PDE3A: variants seen among roughly 807,000 people sequenced by gnomAD.
The protein encoded by PDE3A is cGMP-inhibited 3',5'-cyclic phosphodiesterase 3A.
In PDE3A, 43 loss-of-function variants were observed where a neutral mutation model predicts 98.3. That is an observed-to-expected ratio of 0.44 (90% confidence interval 0.34 to 0.56). PDE3A has a LOEUF of 0.56. PDE3A is among the 20% of genes least tolerant of loss of function. The pLI is 0.01. For missense variants in PDE3A, 1,427 were observed against 1,440.7 expected, an observed-to-expected ratio of 0.99 and a Z score of 0.15; for synonymous variants, 663 against 567.9, an observed-to-expected ratio of 1.17 and a Z score of -2.38.
At chr12:20,636,858 G>A (rs1188887635) in intron 8 of PDE3A, among the ~76,000 whole-genome samples, 13 of 152,194 alleles carry the variant, frequency 8.5e-5, no homozygotes, top group Non-Finnish European at 1.2e-4. Context: ...ATATGGACCA[G>A]TGATAGGCAA....
At chr12:20,676,956 G>C (rs1945657241) in intron 15 of PDE3A, among the ~76,000 whole-genome samples, 1 of 152,036 alleles carries the variant, frequency 6.6e-6, no homozygotes, top group African/African-American at 2.4e-5. Context: ...CAGGTTTTCT[G>C]TCCCTTTTAT....
Position 20,541,676 on chromosome 12 carries a change from G to A in PDE3A, c.961-14984G>A, listed in dbSNP as rs189553251. Among the ~76,000 whole-genome samples the A allele has an allele frequency of 2.0e-5, 3 of 151,630 alleles. No individual in the cohort carries two copies. The East Asian group carries it at 5.8e-4, about 30-fold the overall frequency. On this transcript the variant is annotated intron_variant, in intron 1 of 15. Transcript: ENST00000359062. ...CTTTATTTTCTTTTATTCCTAAATA[G>A]AGGTCTGCATAATATATCACTAAGA...
At chr12:20,571,668 A>T (rs1179349891) in intron 2 of PDE3A, among the ~76,000 whole-genome samples, 6 of 151,932 alleles carry the variant, frequency 3.9e-5, no homozygotes, top group Non-Finnish European at 8.8e-5. Context: ...ATGTTATTTC[A>T]CTCCTCTGGG....
At chr12:20,522,237 T>C (rs1052841708) in intron 1 of PDE3A, among the ~76,000 whole-genome samples, 2 of 152,010 alleles carry the variant, frequency 1.3e-5, no homozygotes, top group Non-Finnish European at 2.9e-5. Context: ...ACAAGGGCCC[T>C]GGTCTCCAGG....
At chr12:20,632,280 G>A (rs1944398163) in intron 6 of PDE3A, among the ~76,000 whole-genome samples, 2 of 152,062 alleles carry the variant, frequency 1.3e-5, no homozygotes, top group Non-Finnish European at 2.9e-5. Context: ...CTCAAGGGTT[G>A]AAAAGTAAAG....
chr12:20,511,293 A>G (rs1946216647), intron 1 of PDE3A, among the ~76,000 whole-genome samples: 1 of 152,050 alleles, frequency 6.6e-6, no homozygotes, highest in South Asian at 2.1e-4. Context: ...GTGATTTCTA[A>G]TACCTTTGCA....
intron 14 of PDE3A, 110 bp downstream of exon 14, chr12:20,650,710 C>T (rs1363242744): frequency 3.4e-6 from 2 of 581,230 alleles, no homozygotes; most frequent in Non-Finnish European, 5.6e-6. Flanking sequence ...TATATTCATA[C>T]TTTTGTCAGA....
chr12:20,603,005 C>T (rs975410798), intron 2 of PDE3A, among the ~76,000 whole-genome samples: 7 of 152,130 alleles, frequency 4.6e-5, no homozygotes, highest in African/African-American at 1.7e-4. Context: ...CATTAAAGAC[C>T]AAGATACCAT....
chr12:20,577,317 TG>T (rs1162506237), intron 2 of PDE3A, among the ~76,000 whole-genome samples: 1 of 152,066 alleles, frequency 6.6e-6, no homozygotes, highest in Non-Finnish European at 1.5e-5. Context: ...GATGAAATGG[TG>T]GGTTAGGTAG....
intron 1 of PDE3A, among the ~76,000 whole-genome samples, chr12:20,457,809 A>C (rs1173177162): frequency 6.6e-6 from 1 of 152,056 alleles, no homozygotes; most frequent in Non-Finnish European, 1.5e-5. Context: ...TTTAAAAAGA[A>C]CTGAACTATG....
chr12:20,660,806 T>G (rs1414269935), intron 15 of PDE3A, among the ~76,000 whole-genome samples: 1 of 152,148 alleles, frequency 6.6e-6, no homozygotes, highest in African/African-American at 2.4e-5. Context: ...CTTTCCTTTG[T>G]AAATTGCCCA....
chr12:20,369,794 G>A lies in PDE3A; in HGVS notation c.510G>A (p.Gly170=). 1 of 1,612,488 alleles carries A rather than the reference G, an allele frequency of 6.2e-7. No individual in the cohort carries two copies. Among genetic ancestry groups the A allele is most frequent in the Non-Finnish European group, 8.5e-7 (1 of 1,179,692 alleles). The change falls in exon 1 of 16, where the codon GGG becomes GGA. Residue 170 remains glycine, a synonymous_variant. Coordinates refer to ENST00000359062, the MANE Select transcript of PDE3A (RefSeq NM_000921.5). ...AVALLAACCG[G]EALVQIGLGV... is the part of the protein sequence containing the mutation. ...CGCTGCTGGCCGCCTGCTGCGGGGG[G>A]GAAGCGCTCGTCCAGATTGGGCTGG...
intron 2 of PDE3A, among the ~76,000 whole-genome samples, chr12:20,610,871 C>T (rs376415373): frequency 3.0e-4 from 45 of 151,892 alleles, no homozygotes; most frequent in African/African-American, 1.0e-3. Flanking sequence ...ATAAAACAGT[C>T]GTTACCCTGG....
intron 15 of PDE3A, among the ~76,000 whole-genome samples, chr12:20,679,817 TTCC>T (rs924307285): frequency 6.6e-6 from 1 of 150,464 alleles, no homozygotes; most frequent in Non-Finnish European, 1.5e-5. Context: ...TATTGCCATC[TTCC>T]TCTTTTTTCC....
In PDE3A at chr12:20,608,293, G is replaced by A. The variant is rs149272456; in HGVS notation, c.1012-5150G>A. ...CAAAAAAGTGGTAATAACTTCTTAC[G>A]TGTGATGTGTCTGTTGACTGTAACA... On this transcript the variant is annotated intron_variant, in intron 2 of 15. Coordinates refer to ENST00000359062, the MANE Select transcript of PDE3A (RefSeq NM_000921.5). Among the ~76,000 whole-genome samples the A allele has an allele frequency of 6.0e-3, 917 of 152,120 alleles. 2 individuals carry two copies. The highest frequency in any genetic ancestry group is 9.1e-3 in the Non-Finnish European group (621 of 67,940).
At chr12:20,400,476 G>T (rs1944108674) in intron 1 of PDE3A, among the ~76,000 whole-genome samples, 1 of 136,148 alleles carries the variant, frequency 7.3e-6, no homozygotes, top group East Asian at 2.1e-4. Context: ...GCGCTATCAC[G>T]GCTCACTGCA....
intron 1 of PDE3A, among the ~76,000 whole-genome samples, chr12:20,494,675 C>G (rs1204619157): frequency 6.6e-6 from 1 of 151,978 alleles, no homozygotes; most frequent in Non-Finnish European, 1.5e-5. Context: ...AGTGTGAAAA[C>G]AAGTGACATT....
At chr12:20,664,575 A>G (rs1333927333) in intron 15 of PDE3A, among the ~76,000 whole-genome samples, 1 of 152,180 alleles carries the variant, frequency 6.6e-6, no homozygotes, top group Non-Finnish European at 1.5e-5. Context: ...ACCCAATGGG[A>G]GACACTTGAA....
intron 1 of PDE3A, among the ~76,000 whole-genome samples, chr12:20,385,904 G>A (rs111356080): frequency 4.4e-4 from 62 of 141,722 alleles, no homozygotes; most frequent in Non-Finnish European, 7.7e-4. Flanking sequence ...AAAGCTGCAC[G>A]TTGTGTACAA....
Sources: allele counts gnomAD v4.1 joint callset (sites outside exome capture counted in the v4.1 genomes callset), GRCh38; gene constraint gnomAD v4.1.1; transcripts MANE v1.5; gene names NCBI Gene and HGNC (gene_info 2026-07-23, HGNC 2026-07-21).